Variants in LIPA observed in about 807,000 individuals in gnomAD.
LIPA encodes the protein lipase A, lysosomal acid type, also known as lysosomal acid lipase/cholesteryl ester hydrolase.
In LIPA, 26 loss-of-function variants were observed where a neutral mutation model predicts 40.6. That is an observed-to-expected ratio of 0.64 (90% CI 0.47 to 0.89). LIPA has a LOEUF of 0.89. Among genes scored for constraint, LIPA ranks in the 40% least tolerant of loss-of-function variants. The pLI is 0.00. For synonymous variants in LIPA, 188 were observed against 168.4 expected (o/e 1.12, Z -0.90); for missense variants, 455 against 479.6 (o/e 0.95, Z 0.48).
At chr10:89,284,464 G>A (rs1843330851) in intron 1 of LIPA, 1 of 151,978 alleles carries the variant, frequency 6.6e-6, no homozygotes, top group African/African-American at 2.4e-5. Context: ...AGTGAAGCTG[G>A]GCTTGATCAG....
chr10:89,288,449 G>T (rs190732951), intron 1 of LIPA, among the ~76,000 whole-genome samples: 4 of 152,030 alleles, frequency 2.6e-5, no homozygotes, highest in Non-Finnish European at 5.9e-5. Flanking sequence ...TACACACAGC[G>T]AAAGTACAGG....
chr10:89,350,557 A>G (rs529736922), intron 2 of LIPA, among the ~76,000 whole-genome samples: 24 of 151,860 alleles, frequency 1.6e-4, no homozygotes, highest in African/African-American at 4.6e-4. Context: ...CGCCCACCTC[A>G]GCCTCCCAAA....
At chr10:89,318,362 T>G (rs954505005) in intron 1 of LIPA, among the ~76,000 whole-genome samples, 1 of 151,896 alleles carries the variant, frequency 6.6e-6, no homozygotes, top group African/African-American at 2.4e-5. Flanking sequence ...AATAAAGGGA[T>G]AGAGGAAGAT....
At chr10:89,216,922 T>A (rs1026713016) in intron 8 of LIPA, among the ~76,000 whole-genome samples, 1 of 152,218 alleles carries the variant, frequency 6.6e-6, no homozygotes, top group African/African-American at 2.4e-5. Context: ...TAGTACTGCA[T>A]GCCAGCACAA....
intron 2 of LIPA, among the ~76,000 whole-genome samples, chr10:89,377,375 G>T (rs1844129359): frequency 6.6e-6 from 1 of 152,166 alleles, no homozygotes; most frequent in South Asian, 2.1e-4. Flanking sequence ...CTACTGACCA[G>T]CTCAAACATT....
chr10:89,318,231 G>T (rs1843552208), intron 1 of LIPA, among the ~76,000 whole-genome samples: 1 of 152,180 alleles, frequency 6.6e-6, no homozygotes, highest in Non-Finnish European at 1.5e-5. Context: ...AACCTTAAAT[G>T]TAAATGGGCT....
intron 3 of LIPA, among the ~76,000 whole-genome samples, chr10:89,238,011 C>A (rs569453629): frequency 6.6e-6 from 1 of 152,196 alleles, no homozygotes; most frequent in South Asian, 2.1e-4. Context: ...ACTGAAGATG[C>A]CATTGTTGTT....
At chr10:89,277,120 C>A (rs1843292949) in intron 1 of LIPA, among the ~76,000 whole-genome samples, 1 of 152,156 alleles carries the variant, frequency 6.6e-6, no homozygotes, top group African/African-American at 2.4e-5. Flanking sequence ...AGGAAGTATC[C>A]AGGAAATGGG....
intron 2 of LIPA, chr10:89,384,629 G>C (rs772211454): frequency 6.2e-7 from 1 of 1,614,216 alleles, no homozygotes; most frequent in Admixed American, 1.7e-5. Flanking sequence ...GTTGTGGAAA[G>C]TGTCAGCCTC....
intron 1 of LIPA, among the ~76,000 whole-genome samples, chr10:89,303,146 C>T (rs1453147511): frequency 6.6e-6 from 1 of 152,028 alleles, no homozygotes; most frequent in Non-Finnish European, 1.5e-5. Flanking sequence ...CAATACAGAC[C>T]CATCTGTCCT....
intron 1 of LIPA, among the ~76,000 whole-genome samples, chr10:89,314,309 C>T (rs1265562510): frequency 6.6e-6 from 1 of 152,200 alleles, no homozygotes; most frequent in African/African-American, 2.4e-5. Flanking sequence ...AAGAAAGAGT[C>T]CAAATACAGA....
chr10:89,243,088 C>T (rs1320496), intron 3 of LIPA, among the ~76,000 whole-genome samples: 86,164 of 151,976 alleles, frequency 0.57, 24,935 homozygotes, highest in South Asian at 0.72. Context: ...GGAGGGGAAG[C>T]GGGATGCATG....
intron 2 of LIPA, among the ~76,000 whole-genome samples, chr10:89,371,359 G>A (rs919892736): frequency 6.6e-6 from 1 of 152,210 alleles, no homozygotes; most frequent in Non-Finnish European, 1.5e-5. Flanking sequence ...CTCCATTTTA[G>A]TTCACATCAG....
rs774908305 is a variant in LIPA at position 89,339,701 on chromosome 10, A to G, written c.-2+2910T>C. Reference sequence around the variant, plus strand: ...ACGGAATGTTATCAGACACCATTCAATAAGGAAGTCCCTGATGCTGAAAAG... The same window carrying G: ...ACGGAATGTTATCAGACACCATTCAGTAAGGAAGTCCCTGATGCTGAAAAG... On this transcript the variant is annotated intron_variant, in intron 1 of 5. Coordinates refer to the LIPA transcript ENST00000282673. The G allele has an allele frequency of 1.9e-6, 3 of 1,614,132 alleles. No homozygotes were observed. The highest frequency in any genetic ancestry group is 2.2e-5 in the East Asian group (1 of 44,904).
At chr10:89,327,973 T>A (rs958387267) in intron 1 of LIPA, 2 of 1,252,240 alleles carry the variant, frequency 1.6e-6, no homozygotes, top group Non-Finnish European at 2.3e-6. Flanking sequence ...CCCCTTTATA[T>A]AGTTCCTTCA....
At chr10:89,380,743 G>A (rs1474456081) in intron 2 of LIPA, among the ~76,000 whole-genome samples, 1 of 152,140 alleles carries the variant, frequency 6.6e-6, no homozygotes, top group Non-Finnish European at 1.5e-5. Context: ...CTAATTTGAT[G>A]ATAATATGTA....
intron 2 of LIPA, among the ~76,000 whole-genome samples, chr10:89,365,557 T>C (rs1844050459): frequency 6.6e-6 from 1 of 152,160 alleles, no homozygotes; most frequent in Admixed American, 6.6e-5. Context: ...TTGCCTAGGT[T>C]TTCTTCTAGG....
At chr10:89,318,150 G>A (rs556650747) in intron 1 of LIPA, among the ~76,000 whole-genome samples, 3 of 152,206 alleles carry the variant, frequency 2.0e-5, no homozygotes, top group South Asian at 2.1e-4. Context: ...AGGAAGAAAC[G>A]GCATCAGCTA....
intron 1 of LIPA, among the ~76,000 whole-genome samples, chr10:89,259,505 TTATAAG>T (rs1020603288): frequency 2.6e-5 from 4 of 152,236 alleles, no homozygotes; most frequent in Non-Finnish European, 5.9e-5. Flanking sequence ...AGATAAAAGA[TTATAAG>T]TATATCTACC....
Sources: allele counts gnomAD v4.1 joint callset (sites outside exome capture counted in the v4.1 genomes callset), GRCh38; gene constraint gnomAD v4.1.1; transcripts MANE v1.5; gene names NCBI Gene and HGNC (gene_info 2026-07-23, HGNC 2026-07-21).